LGR5: variants seen among roughly 807,000 people sequenced by gnomAD.
LGR5 encodes the protein leucine-rich repeat-containing G protein-coupled receptor 5.
A neutral mutation model predicts 76.7 loss-of-function variants in LGR5; 54 were observed. The ratio of observed to expected loss-of-function variants is 0.70; its 90% confidence interval spans 0.57 to 0.88. The LOEUF (loss-of-function observed/expected upper bound fraction) is 0.88, where lower values mean the gene tolerates loss of function less well. LGR5 is among the 40% of genes least tolerant of loss of function. The pLI is 0.00. For synonymous variants in LGR5, 406 were observed against 421.9 expected (o/e 0.96, Z 0.46); for missense variants, 1,078 against 1,073.3 (o/e 1.00, Z -0.06).
chr12:71,536,316 A>G (rs567952887), intron 4 of LGR5, among the ~76,000 whole-genome samples: 1 of 152,310 alleles, frequency 6.6e-6, no homozygotes, highest in Non-Finnish European at 1.5e-5. Context: ...TGAAGATGAT[A>G]CTTTCGTCCT....
At position 71,566,716 on chromosome 12, in the gene LGR5, A is replaced by T. The variant is rs752607669; in HGVS notation, c.998+16A>T. 1 of 1,607,052 alleles carries T rather than the reference A, an allele frequency of 6.2e-7. No individual in the cohort carries two copies. The highest frequency in any genetic ancestry group is 2.2e-5 in the East Asian group (1 of 44,848). On this transcript the variant is annotated intron_variant, in intron 10 of 17. Transcript: ENST00000266674. ...TGGAGAGTCTGTAAGTACTGAGTAG[A>T]CTCTTGACTTTGCCCAGAACATACA...
chr12:71,514,517 C>G (rs7975792), intron 2 of LGR5, among the ~76,000 whole-genome samples: 146,484 of 150,164 alleles, frequency 0.98, 71,538 homozygotes, highest in Middle Eastern at 1. Context: ...GCAGTGAGCC[C>G]AGATCGCGCC....
chr12:71,530,276 T>A (rs1351332971), intron 3 of LGR5, among the ~76,000 whole-genome samples: 1 of 152,144 alleles, frequency 6.6e-6, no homozygotes, highest in East Asian at 1.9e-4. Flanking sequence ...AGAGGTAAAA[T>A]GCTGAACAAG....
chr12:71,471,494 G>T (rs1435579197), intron 1 of LGR5, among the ~76,000 whole-genome samples: 1 of 152,172 alleles, frequency 6.6e-6, no homozygotes, highest in African/African-American at 2.4e-5. Flanking sequence ...GACTGCTAAT[G>T]GACATGGGAT....
intron 1 of LGR5, among the ~76,000 whole-genome samples, chr12:71,481,052 G>T (rs1483458992): frequency 6.6e-6 from 1 of 152,162 alleles, no homozygotes; most frequent in Non-Finnish European, 1.5e-5. Flanking sequence ...CCCATGAAAT[G>T]GGATGGGATG....
At chr12:71,521,364 G>T (rs1875720522) in intron 2 of LGR5, among the ~76,000 whole-genome samples, 1 of 152,150 alleles carries the variant, frequency 6.6e-6, no homozygotes, top group Non-Finnish European at 1.5e-5. Flanking sequence ...TCAGGGCTTT[G>T]GGACAGCTCA....
chr12:71,468,040 G>T (rs1391602626), intron 1 of LGR5, among the ~76,000 whole-genome samples: 1 of 152,144 alleles, frequency 6.6e-6, no homozygotes, highest in African/African-American at 2.4e-5. Flanking sequence ...AAGGGTAATT[G>T]AATATTTTTA....
intron 4 of LGR5, among the ~76,000 whole-genome samples, chr12:71,540,856 T>C (rs1876840829): frequency 6.6e-6 from 1 of 152,016 alleles, no homozygotes; most frequent in African/African-American, 2.4e-5. Flanking sequence ...GATTAAAGGA[T>C]CAAAGGGGTT....
intron 6 of LGR5, among the ~76,000 whole-genome samples, chr12:71,557,576 C>T (rs1877839612): frequency 6.6e-6 from 1 of 152,114 alleles, no homozygotes; most frequent in Non-Finnish European, 1.5e-5. Context: ...TTAATTGGTA[C>T]CTATAGTAAA....
At chr12:71,494,960 A>T (rs1490567373) in intron 1 of LGR5, among the ~76,000 whole-genome samples, 3 of 151,010 alleles carry the variant, frequency 2.0e-5, no homozygotes, top group Non-Finnish European at 2.9e-5. Context: ...TCTGAGAGGG[A>T]CTTAACCAGG....
chr12:71,526,212 A>G (rs1875996774), intron 3 of LGR5, among the ~76,000 whole-genome samples: 1 of 152,106 alleles, frequency 6.6e-6, no homozygotes, highest in African/African-American at 2.4e-5. Context: ...ATGTTTATTA[A>G]TGGAATATCT....
intron 1 of LGR5, among the ~76,000 whole-genome samples, chr12:71,474,694 A>G (rs894482292): frequency 6.6e-5 from 10 of 152,208 alleles, no homozygotes; most frequent in Non-Finnish European, 1.3e-4. Flanking sequence ...ATTTCACATG[A>G]CAGTATGTGG....
In LGR5 at chr12:71,540,213, T is replaced by C. The variant is rs542079948; in HGVS notation, c.428+5027T>C. Among the ~76,000 whole-genome samples, 16 of 152,330 alleles carry C rather than the reference T, an allele frequency of 1.1e-4. 1 individual carries two copies. In the South Asian group the frequency reaches 3.3e-3, roughly 32 times the overall value. On this transcript the variant is annotated intron_variant, in intron 4 of 17. Coordinates refer to ENST00000266674, the MANE Select transcript of LGR5 (RefSeq NM_003667.4). ...TTAATGAATTTTAAGCAACTCACTG[T>C]CACTAGTGAAGTTCAAGATGACCAA...
chr12:71,508,859 C>T (rs1336605977), intron 2 of LGR5, among the ~76,000 whole-genome samples: 1 of 151,784 alleles, frequency 6.6e-6, no homozygotes, highest in Non-Finnish European at 1.5e-5. Context: ...CTTCCTCTCT[C>T]CTTCCTGACA....
chr12:71,572,363 T>C (rs1442176713), intron 12 of LGR5, among the ~76,000 whole-genome samples: 2 of 152,204 alleles, frequency 1.3e-5, no homozygotes, highest in African/African-American at 4.8e-5. Context: ...ATTACAGGCG[T>C]GAGCCACCGC....
intron 4 of LGR5, among the ~76,000 whole-genome samples, chr12:71,538,703 A>C (rs1356815924): frequency 6.6e-6 from 1 of 151,816 alleles, no homozygotes; most frequent in Non-Finnish European, 1.5e-5. Flanking sequence ...TAAGTAAATA[A>C]ATAAAATTGG....
chr12:71,474,703 G>A (rs1873251784), intron 1 of LGR5, among the ~76,000 whole-genome samples: 1 of 152,104 alleles, frequency 6.6e-6, no homozygotes, highest in Admixed American at 6.6e-5. Context: ...GACAGTATGT[G>A]GAAAAATCAA....
chr12:71,529,100 TG>T (rs770656440), intron 3 of LGR5, among the ~76,000 whole-genome samples: 1 of 152,236 alleles, frequency 6.6e-6, no homozygotes, highest in Non-Finnish European at 1.5e-5. Flanking sequence ...GTTTGTAATT[TG>T]ATTGGCATGT....
intron 1 of LGR5, among the ~76,000 whole-genome samples, chr12:71,462,386 C>T (rs1872717679): frequency 6.6e-6 from 1 of 152,234 alleles, no homozygotes; most frequent in African/African-American, 2.4e-5. Context: ...GCTAAAGCTC[C>T]TCCTAGCTAT....
Sources: gnomAD v4.1 joint callset for allele counts (sites outside exome capture counted in the v4.1 genomes callset) on GRCh38, gnomAD v4.1.1 for gene constraint, MANE v1.5 for transcripts, NCBI Gene and HGNC (gene_info 2026-07-23, HGNC 2026-07-21) for gene names.